Variants in PPM1L observed in about 807,000 individuals in gnomAD.
PPM1L encodes protein phosphatase, Mg2+/Mn2+ dependent 1L.
PPM1L carries 13 observed loss-of-function variants against 31.4 expected under a neutral mutation model. The ratio of observed to expected loss-of-function variants is 0.41; its 90% CI spans 0.27 to 0.66. The LOEUF is 0.66. Ranked by LOEUF, PPM1L falls within the 30% of genes least tolerant of loss-of-function variation. The pLI is 0.29. For missense variants in PPM1L, 326 were observed against 453.7 expected (o/e 0.72, Z 2.56); for synonymous variants, 184 against 175.4 (o/e 1.05, Z -0.39).
chr3:160,879,951 A>G (rs1444311554), intron 1 of PPM1L, among the ~76,000 whole-genome samples: 1 of 152,126 alleles, frequency 6.6e-6, no homozygotes, highest in Non-Finnish European at 1.5e-5. Context: ...TCCTTTCATC[A>G]TTCACCTGCT....
At chr3:160,914,063 A>G (rs1313457256) in intron 1 of PPM1L, among the ~76,000 whole-genome samples, 1 of 152,194 alleles carries the variant, frequency 6.6e-6, no homozygotes, top group African/African-American at 2.4e-5. Context: ...AGTGTATGAA[A>G]TTTCAAGTTC....
intron 1 of PPM1L, among the ~76,000 whole-genome samples, chr3:160,903,193 GGTA>G (rs5853912): frequency 1.9e-3 from 232 of 124,132 alleles, no homozygotes; most frequent in South Asian, 5.1e-3. Flanking sequence ...GTGTGTGTGT[GGTA>G]TGTGTGTATG....
intron 1 of PPM1L, among the ~76,000 whole-genome samples, chr3:160,787,675 G>A (rs186565655): frequency 1.4e-3 from 220 of 152,102 alleles, no homozygotes; most frequent in Non-Finnish European, 2.5e-3. Context: ...TCTTTGCCAG[G>A]ACCTATGTCC....
At chr3:160,851,644 G>T (rs1711528686) in intron 1 of PPM1L, among the ~76,000 whole-genome samples, 1 of 152,206 alleles carries the variant, frequency 6.6e-6, no homozygotes, top group Non-Finnish European at 1.5e-5. Context: ...GAAGAAAAGA[G>T]ATACATTTTA....
intron 2 of PPM1L, among the ~76,000 whole-genome samples, chr3:161,031,487 G>A (rs1469627747): frequency 8.1e-6 from 1 of 123,948 alleles, no homozygotes; most frequent in East Asian, 3.0e-4. Flanking sequence ...GTGAATGGCA[G>A]CTATGTATTC....
chr3:160,852,786 G>T (rs1711565460), intron 1 of PPM1L, among the ~76,000 whole-genome samples: 10 of 152,170 alleles, frequency 6.6e-5, no homozygotes, highest in Admixed American at 6.5e-4. Context: ...ATTTACTGTA[G>T]AATTTATGTT....
chr3:160,832,793 GTGCAGGATA>G (rs760517920), intron 1 of PPM1L, among the ~76,000 whole-genome samples: 2 of 152,060 alleles, frequency 1.3e-5, no homozygotes, highest in African/African-American at 2.4e-5. Flanking sequence ...CAAGATACAT[GTGCAGGATA>G]TGCAGGTTTG....
chr3:160,850,894 G>GT (rs1553812638), intron 1 of PPM1L, among the ~76,000 whole-genome samples: 1 of 148,366 alleles, frequency 6.7e-6, no homozygotes, highest in Non-Finnish European at 1.5e-5. Context: ...TGGGGGGGGG[G>GT]TCATTATTGT....
chr3:160,914,624 A>C (rs1714093511), intron 1 of PPM1L, among the ~76,000 whole-genome samples: 1 of 151,920 alleles, frequency 6.6e-6, no homozygotes, highest in East Asian at 1.9e-4. Context: ...TGAACTCATC[A>C]TTTTTTATGG....
intron 1 of PPM1L, among the ~76,000 whole-genome samples, chr3:160,838,218 A>G (rs1713775709): frequency 1.3e-5 from 2 of 152,178 alleles, no homozygotes; most frequent in South Asian, 4.1e-4. Flanking sequence ...GGGAATGGCA[A>G]ATTATATCTG....
chr3:160,820,268 A>G (rs1713154860), intron 1 of PPM1L, among the ~76,000 whole-genome samples: 1 of 152,122 alleles, frequency 6.6e-6, no homozygotes, highest in Non-Finnish European at 1.5e-5. Context: ...CATGATGATG[A>G]AATCATCCTT....
chr3:160,900,767 TTTTG>T (rs1264425645), intron 1 of PPM1L, among the ~76,000 whole-genome samples: 12 of 152,158 alleles, frequency 7.9e-5, no homozygotes, highest in African/African-American at 2.9e-4. Flanking sequence ...TTTCTTGAGT[TTTTG>T]TTTGAGTTAA....
At chr3:160,906,421 A>G (rs62270289) in intron 1 of PPM1L, among the ~76,000 whole-genome samples, 2 of 152,098 alleles carry the variant, frequency 1.3e-5, no homozygotes, top group Non-Finnish European at 2.9e-5. Context: ...GGCCAACATC[A>G]TGAAACCCCA....
chr3:160,919,314 A>G (rs537220014), intron 1 of PPM1L, among the ~76,000 whole-genome samples: 2 of 152,090 alleles, frequency 1.3e-5, no homozygotes, highest in East Asian at 3.9e-4. Flanking sequence ...CTACTTTTTC[A>G]TTTATCTAGG....
chr3:160,926,169 C>T (rs545779533), intron 1 of PPM1L, among the ~76,000 whole-genome samples: 9 of 152,300 alleles, frequency 5.9e-5, no homozygotes, highest in Non-Finnish European at 1.0e-4. Context: ...CCCCTTTCCT[C>T]TAGCGTCTTT....
chr3:160,756,841 G>A lies in PPM1L; in HGVS notation c.399+134G>A. The A allele has an allele frequency of 9.7e-7, 1 of 1,026,846 alleles. No homozygotes were observed. Among genetic ancestry groups the A allele is most frequent in the Non-Finnish European group, 1.4e-6 (1 of 722,508 alleles). The allele number at this position is 1,026,846 out of a possible 1,614,324, so 63.6% of individuals were successfully genotyped here. ...AGCGGGAGAGGATCTGGGTGCGAGG[G>A]GCGTGGTGATGACACCACGGTGCCT... On this transcript the variant is annotated intron_variant, in intron 1 of 3. Transcript: ENST00000498165. The surrounding 1 kb of genome is among the most constrained non-coding windows in gnomAD (Gnocchi z 6.2).
intron 1 of PPM1L, among the ~76,000 whole-genome samples, chr3:160,913,578 A>G (rs1246988239): frequency 1.3e-5 from 2 of 152,128 alleles, no homozygotes; most frequent in Non-Finnish European, 2.9e-5. Context: ...CCTTGGCCCC[A>G]GGCAATCACT....
intron 1 of PPM1L, among the ~76,000 whole-genome samples, chr3:160,841,334 G>A (rs1172988140): frequency 1.3e-5 from 2 of 151,232 alleles, no homozygotes; most frequent in Non-Finnish European, 2.9e-5. Context: ...ATCTTTACAG[G>A]GATTTTTTTT....
At chr3:160,857,218 A>C (rs1711739416) in intron 1 of PPM1L, among the ~76,000 whole-genome samples, 1 of 152,204 alleles carries the variant, frequency 6.6e-6, no homozygotes, top group Non-Finnish European at 1.5e-5. Flanking sequence ...CATTCTTTAA[A>C]ATTCTGACAG....
Sources: gnomAD v4.1 joint callset for allele counts (sites outside exome capture counted in the v4.1 genomes callset) on GRCh38, gnomAD v4.1.1 for gene constraint, Gnocchi (gnomAD v3.1) non-coding constraint, MANE v1.5 for transcripts, NCBI Gene and HGNC (gene_info 2026-07-23, HGNC 2026-07-21) for gene names.